Variants in TRIM9 observed in about 807,000 individuals in gnomAD.
The protein encoded by TRIM9 is tripartite motif containing 9, also known as E3 ubiquitin-protein ligase TRIM9.
TRIM9 carries 26 observed loss-of-function variants against 78.3 expected under a neutral mutation model. The ratio of observed to expected loss-of-function variants is 0.33; its 90% CI spans 0.24 to 0.46. The LOEUF (loss-of-function observed/expected upper bound fraction) is 0.46. Ranked by LOEUF, TRIM9 falls within the 20% of genes least tolerant of loss-of-function variation. TRIM9 has a pLI of 1.00. For synonymous variants in TRIM9, 398 were observed against 416.5 expected, an observed-to-expected ratio of 0.96 and a Z score of 0.54; for missense variants, 787 against 1,036.4, an observed-to-expected ratio of 0.76 and a Z score of 3.30.
chr14:50,995,408 A>T (rs573165535), intron 7 of TRIM9, among the ~76,000 whole-genome samples: 47 of 152,310 alleles, frequency 3.1e-4, no homozygotes, highest in African/African-American at 1.1e-3. Flanking sequence ...ACAGCCTAGC[A>T]CACAGTGGTC....
chr14:51,049,612 G>A (rs1182664249), intron 1 of TRIM9, among the ~76,000 whole-genome samples: 3 of 152,108 alleles, frequency 2.0e-5, no homozygotes. Flanking sequence ...TGGATCATGA[G>A]GTCAGGAGTT....
chr14:51,002,614 CTG>C (rs1381954939), intron 5 of TRIM9, among the ~76,000 whole-genome samples: 1 of 152,172 alleles, frequency 6.6e-6, no homozygotes, highest in African/African-American at 2.4e-5. Context: ...AAATTGGACT[CTG>C]TGTCTTGTGC....
At position 50,982,114 on chromosome 14, in the gene TRIM9, C is replaced by T. The variant is rs201201421; in HGVS notation, c.1859-11G>A. The T allele has an allele frequency of 3.9e-4, 624 of 1,613,022 alleles. 6 individuals carry two copies. The African/African-American group carries it at 7.1e-3, about 18-fold the overall frequency. ...AAGCAAACCAGGCCACTGGGAACAA[C>T]AGAAGGGAATCAGGTTATTAAGACA... On this transcript the variant is annotated splice_polypyrimidine_tract_variant and intron_variant, in intron 10 of 12. Coordinates refer to ENST00000684578, the MANE Select transcript of TRIM9 (RefSeq NM_001387360.1).
At chr14:51,079,980 A>T (rs2063151362) in intron 1 of TRIM9, among the ~76,000 whole-genome samples, 1 of 152,218 alleles carries the variant, frequency 6.6e-6, no homozygotes, top group Non-Finnish European at 1.5e-5. Flanking sequence ...GCTAGCAAGT[A>T]GTGCAAATGA....
rs368408575 is a variant in TRIM9, at chr14:51,053,424, C to G, written c.823-28064G>C. Among the ~76,000 whole-genome samples, 443 of 151,106 alleles carry G rather than the reference C, an allele frequency of 2.9e-3. 20 individuals are homozygous for G. The South Asian group carries it at 0.089, about 30-fold the overall frequency. The stretch of plus-strand genomic sequence containing the variant: ...CAAATGCAGAAAAGTTCATTCAGTA[C>G]TCAGTTTGTATCAGTTTGTAGTTCA... On this transcript the variant is annotated intron_variant, in intron 1 of 12. Transcript: ENST00000684578.
At chr14:51,063,572 AAAGAT>A (rs1408663444) in intron 1 of TRIM9, among the ~76,000 whole-genome samples, 1 of 152,142 alleles carries the variant, frequency 6.6e-6, no homozygotes, top group Non-Finnish European at 1.5e-5. Context: ...AACCAAAGAT[AAAGAT>A]AATATTATGA....
At chr14:51,009,548 T>C (rs1041498738) in intron 4 of TRIM9, among the ~76,000 whole-genome samples, 3 of 152,254 alleles carry the variant, frequency 2.0e-5, no homozygotes, top group African/African-American at 7.2e-5. Flanking sequence ...CTTTAAAGGA[T>C]GGTATGTTGG....
intron 1 of TRIM9, among the ~76,000 whole-genome samples, chr14:51,060,517 A>G (rs1009516737): frequency 1.5e-4 from 23 of 151,870 alleles, no homozygotes; most frequent in African/African-American, 5.6e-4. Flanking sequence ...CCCAGGCTGG[A>G]GTGCAGTGGC....
chr14:51,017,330 G>C (rs919110765), intron 3 of TRIM9, among the ~76,000 whole-genome samples: 1 of 152,150 alleles, frequency 6.6e-6, no homozygotes, highest in African/African-American at 2.4e-5. Context: ...GGTTTTAATC[G>C]AGAAAAGGAT....
intron 7 of TRIM9, among the ~76,000 whole-genome samples, chr14:50,992,469 A>T (rs2053645276): frequency 6.6e-6 from 1 of 151,292 alleles, no homozygotes; most frequent in South Asian, 2.1e-4. Context: ...GTTACTAGGG[A>T]GGCTGAGGCA....
rs2061221101 is a variant in TRIM9, at chr14:51,060,080, TG to T, written c.822+34037del. 6.6e-5 allele frequency among the ~76,000 whole-genome samples: 10 copies of T among 152,360 alleles called. No homozygotes were observed. In the South Asian group the frequency reaches 2.1e-3, roughly 32 times the overall value. On this transcript the variant is annotated intron_variant, in intron 1 of 12. Transcript: ENST00000684578. ...TGGGAGTCACAGATAAATCACCTCCTGACTGGAATACTTCAGAATTTATAAT... is the reference window on the plus strand; with the variant it reads ...TGGGAGTCACAGATAAATCACCTCCTACTGGAATACTTCAGAATTTATAAT...
At chr14:51,016,084 C>T (rs1442353581) in intron 3 of TRIM9, among the ~76,000 whole-genome samples, 2 of 152,142 alleles carry the variant, frequency 1.3e-5, no homozygotes, top group Non-Finnish European at 2.9e-5. Flanking sequence ...CACAGATGCT[C>T]AAGTCCCTGA....
intron 1 of TRIM9, among the ~76,000 whole-genome samples, chr14:51,069,145 G>C (rs1346095814): frequency 6.6e-6 from 1 of 152,190 alleles, no homozygotes; most frequent in Non-Finnish European, 1.5e-5. Context: ...ATCAGTCTGA[G>C]AGAGTTGGGC....
intron 1 of TRIM9, among the ~76,000 whole-genome samples, chr14:51,053,172 A>AG (rs1404812161): frequency 5.3e-5 from 8 of 151,484 alleles, no homozygotes; most frequent in Admixed American, 3.3e-4. Flanking sequence ...AAAAAAAAAA[A>AG]AGAGAAGAAA....
chr14:51,004,606 CAG>C (rs2055517557), intron 5 of TRIM9, among the ~76,000 whole-genome samples: 1 of 152,118 alleles, frequency 6.6e-6, no homozygotes, highest in African/African-American at 2.4e-5. Flanking sequence ...TACTGAATGC[CAG>C]AGAGTGTTGT....
At chr14:50,980,933 A>G (rs112461069) in intron 11 of TRIM9, among the ~76,000 whole-genome samples, 29 of 152,186 alleles carry the variant, frequency 1.9e-4, no homozygotes, top group African/African-American at 6.5e-4. Context: ...CAATTATCCT[A>G]CCAATGTCTG....
At chr14:50,997,652 G>A (rs2054398298) in intron 7 of TRIM9, 1 of 1,080,242 alleles carries the variant, frequency 9.3e-7, no homozygotes, top group African/African-American at 1.6e-5. Flanking sequence ...AAGTACTACA[G>A]AGTAATTTAG....
At chr14:51,083,919 C>T (rs561951492) in intron 1 of TRIM9, among the ~76,000 whole-genome samples, 28 of 152,270 alleles carry the variant, frequency 1.8e-4, no homozygotes, top group African/African-American at 6.7e-4. Flanking sequence ...TGATTCTAGG[C>T]CATCACTCAA....
intron 11 of TRIM9, 81 bp from the exon 12 acceptor site, chr14:50,979,630 G>A (rs2051561652): frequency 8.3e-7 from 1 of 1,198,324 alleles, no homozygotes; most frequent in Admixed American, 2.0e-5. Flanking sequence ...TGAAACCAGT[G>A]TCTTGCAACC....
Sources: allele counts gnomAD v4.1 joint callset (sites outside exome capture counted in the v4.1 genomes callset), GRCh38; gene constraint gnomAD v4.1.1; transcripts MANE v1.5; gene names NCBI Gene and HGNC (gene_info 2026-07-23, HGNC 2026-07-21).